SYT1: variants seen among roughly 807,000 people sequenced by gnomAD.
The protein encoded by SYT1 is synaptotagmin-1.
Under a neutral mutation model 44.8 loss-of-function variants are expected in SYT1, and 8 were observed. The observed-to-expected ratio is 0.18, with a 90% confidence interval of 0.10 to 0.32. The LOEUF (loss-of-function observed/expected upper bound fraction) is 0.32. Among genes scored for constraint, SYT1 ranks in the 10% least tolerant of loss-of-function variants. The probability of loss-of-function intolerance (pLI) is 1.00; values close to 1 mark genes in which losing one functional copy is unlikely to be tolerated. For synonymous variants in SYT1, 154 were observed against 188.8 expected (o/e 0.82, Z 1.51); for missense variants, 286 against 509.3 (o/e 0.56, Z 4.22).
intron 1 of SYT1, among the ~76,000 whole-genome samples, chr12:78,896,147 T>G (rs1465527735): frequency 6.6e-6 from 1 of 151,802 alleles, no homozygotes; most frequent in African/African-American, 2.4e-5. Context: ...CTTTATTATT[T>G]TCTTTTCTCT....
At chr12:79,426,411 CA>C (rs1869452513) in intron 9 of SYT1, among the ~76,000 whole-genome samples, 1 of 151,898 alleles carries the variant, frequency 6.6e-6, no homozygotes, top group Non-Finnish European at 1.5e-5. Flanking sequence ...AAAAAAAAAA[CA>C]TATTTCACAG....
chr12:79,035,080 A>G (rs1363663193), intron 2 of SYT1, among the ~76,000 whole-genome samples: 2 of 151,632 alleles, frequency 1.3e-5, no homozygotes, highest in East Asian at 3.9e-4. Flanking sequence ...AGGGTATGGT[A>G]CTGAACTAAA....
intron 3 of SYT1, among the ~76,000 whole-genome samples, chr12:79,180,028 A>T (rs12301398): frequency 0.71 from 108,237 of 151,872 alleles, 39,151 homozygotes; most frequent in African/African-American, 0.8. Flanking sequence ...TACTTTGTGC[A>T]TGTTATTTTA....
intron 3 of SYT1, among the ~76,000 whole-genome samples, chr12:79,059,012 A>G (rs1429595682): frequency 6.6e-6 from 1 of 152,104 alleles, no homozygotes; most frequent in Non-Finnish European, 1.5e-5. Context: ...TATAAAGGAA[A>G]GAGGTTTAAT....
At chr12:79,111,795 T>G (rs1348550942) in intron 3 of SYT1, among the ~76,000 whole-genome samples, 1 of 151,968 alleles carries the variant, frequency 6.6e-6, no homozygotes, top group Admixed American at 6.6e-5. Context: ...CAGTGTTGTT[T>G]CCCTCACAGC....
At chr12:79,048,849 A>T (rs1874262724) in intron 3 of SYT1, among the ~76,000 whole-genome samples, 1 of 151,930 alleles carries the variant, frequency 6.6e-6, no homozygotes, top group African/African-American at 2.4e-5. Context: ...TTTGACATAG[A>T]AATTTTTTAT....
At chr12:79,166,947 T>A (rs1871255723) in intron 3 of SYT1, among the ~76,000 whole-genome samples, 1 of 152,082 alleles carries the variant, frequency 6.6e-6, no homozygotes, top group South Asian at 2.1e-4. Flanking sequence ...CACAGTGCTG[T>A]TTTGTAAATC....
chr12:79,029,161 C>T (rs1872695633), intron 2 of SYT1, among the ~76,000 whole-genome samples: 1 of 151,076 alleles, frequency 6.6e-6, no homozygotes, highest in Non-Finnish European at 1.5e-5. Flanking sequence ...TCAAACTATT[C>T]AATACCTCAC....
At chr12:79,151,201 G>T (rs1025692402) in intron 3 of SYT1, among the ~76,000 whole-genome samples, 1 of 152,150 alleles carries the variant, frequency 6.6e-6, no homozygotes, top group Admixed American at 6.5e-5. Context: ...TCAAGGGTTG[G>T]CAGAGGAATT....
chr12:78,949,958 G>A (rs557895220), intron 1 of SYT1, among the ~76,000 whole-genome samples: 8 of 152,074 alleles, frequency 5.3e-5, no homozygotes, highest in Admixed American at 2.6e-4. Flanking sequence ...TTTGTACATA[G>A]CAGCAGAATA....
At chr12:78,876,173 T>G (rs570997066) in intron 1 of SYT1, among the ~76,000 whole-genome samples, 16 of 151,756 alleles carry the variant, frequency 1.1e-4, no homozygotes, top group Admixed American at 4.0e-4. Flanking sequence ...GATTATCACT[T>G]AGACAACACA....
intron 1 of SYT1, among the ~76,000 whole-genome samples, chr12:78,916,285 G>T (rs1322299573): frequency 1.3e-5 from 2 of 151,914 alleles, no homozygotes; most frequent in African/African-American, 2.4e-5. Flanking sequence ...CAAACGTATG[G>T]TTTCTTGTTT....
intron 3 of SYT1, among the ~76,000 whole-genome samples, chr12:79,156,379 A>T (rs542532895): frequency 6.6e-6 from 1 of 152,084 alleles, no homozygotes; most frequent in East Asian, 1.9e-4. Flanking sequence ...TTCAGAGACT[A>T]TTCTTACCCC....
intron 4 of SYT1, among the ~76,000 whole-genome samples, chr12:79,245,597 GA>G (rs1310027326): frequency 2.0e-5 from 3 of 148,936 alleles, no homozygotes; most frequent in Non-Finnish European, 4.5e-5. Flanking sequence ...GTGGCAAAAA[GA>G]AAAAAAAGAA....
intron 4 of SYT1, among the ~76,000 whole-genome samples, chr12:79,249,088 C>CTTTTTTTTTTTTTTTTTTTTTTTTTTT (rs58983623): frequency 1.4e-5 from 1 of 71,816 alleles, no homozygotes; most frequent in African/African-American, 6.2e-5. Flanking sequence ...TTACCTCTTT[C>CTTTTTTTTTTTTTTTTTTTTTTTTTTT]TTTTTTTTTT....
intron 9 of SYT1, among the ~76,000 whole-genome samples, chr12:79,407,404 C>T (rs1477735841): frequency 6.6e-6 from 1 of 152,076 alleles, no homozygotes; most frequent in East Asian, 1.9e-4. Flanking sequence ...GACAGTACCA[C>T]CATGCCTTCG....
chr12:79,242,702 T>C (rs1876584054), intron 4 of SYT1, among the ~76,000 whole-genome samples: 1 of 152,178 alleles, frequency 6.6e-6, no homozygotes, highest in Non-Finnish European at 1.5e-5. Context: ...TAGCCAAAAC[T>C]AAGTTCTTGA....
At chr12:79,409,978 G>A (rs190553362) in intron 9 of SYT1, among the ~76,000 whole-genome samples, 159 of 152,050 alleles carry the variant, frequency 1.0e-3, no homozygotes, top group African/African-American at 3.7e-3. Context: ...ACACTTTTGG[G>A]GGTGGGAGGA....
At chr12:79,160,242 A>G (rs755901938) in intron 3 of SYT1, among the ~76,000 whole-genome samples, 6 of 152,096 alleles carry the variant, frequency 3.9e-5, no homozygotes, top group Non-Finnish European at 8.8e-5. Flanking sequence ...TATGACATCA[A>G]GTTTGGCTTT....
Sources: gnomAD v4.1 joint callset for allele counts (sites outside exome capture counted in the v4.1 genomes callset) on GRCh38, gnomAD v4.1.1 for gene constraint, MANE v1.5 for transcripts, NCBI Gene and HGNC (gene_info 2026-07-23, HGNC 2026-07-21) for gene names.